Variants in SORCS2 observed in about 807,000 individuals in gnomAD.
SORCS2 encodes VPS10 domain-containing receptor SorCS2.
A neutral mutation model predicts 141.6 loss-of-function variants in SORCS2; 100 were observed. The observed-to-expected ratio is 0.71, with a 90% CI of 0.60 to 0.83. The LOEUF (loss-of-function observed/expected upper bound fraction) is 0.83. Among genes scored for constraint, SORCS2 ranks in the 40% least tolerant of loss-of-function variants. The pLI is 0.00. For missense variants in SORCS2, 1,646 were observed against 1,560.2 expected, an observed-to-expected ratio of 1.05 and a Z score of -0.93; for synonymous variants, 789 against 676.9, an observed-to-expected ratio of 1.17 and a Z score of -2.57.
intron 2 of SORCS2, among the ~76,000 whole-genome samples, chr4:7,495,738 G>A (rs1362223115): frequency 6.6e-6 from 1 of 152,180 alleles, no homozygotes; most frequent in Non-Finnish European, 1.5e-5. Context: ...CTGATGCCTG[G>A]GCCTAGGCTC....
intron 4 of SORCS2, among the ~76,000 whole-genome samples, chr4:7,653,460 C>A (rs113505638): frequency 2.0e-5 from 3 of 152,070 alleles, no homozygotes; most frequent in African/African-American, 7.2e-5. Context: ...TCAGGCTGGT[C>A]TCGAACTCCC....
chr4:7,391,203 G>T (rs1380702102), intron 1 of SORCS2, among the ~76,000 whole-genome samples: 1 of 152,186 alleles, frequency 6.6e-6, no homozygotes, highest in Non-Finnish European at 1.5e-5. Context: ...GGACAGCATT[G>T]ACCTCCCAGT....
chr4:7,688,180 G>A (rs571411888), intron 10 of SORCS2, among the ~76,000 whole-genome samples: 1 of 152,294 alleles, frequency 6.6e-6, no homozygotes, highest in Non-Finnish European at 1.5e-5. Flanking sequence ...TGAAGAGAGA[G>A]GATACCTCTG....
chr4:7,434,098 G>A lies in SORCS2; in HGVS notation c.548+37743G>A, dbSNP rs201934511. 456 of 1,611,692 alleles carry A rather than the reference G, an allele frequency of 2.8e-4. No homozygotes were observed. The highest frequency in any genetic ancestry group is 3.2e-4 in the Non-Finnish European group (382 of 1,178,262). Reference sequence around the variant, plus strand: ...CATGGCCACTACTTGAGTCAAACGGGCAGGTGCCCCTAGCTCCTCACAGAA... The same window carrying A: ...CATGGCCACTACTTGAGTCAAACGGACAGGTGCCCCTAGCTCCTCACAGAA... On this transcript the variant is annotated intron_variant, in intron 2 of 26. Transcript: ENST00000507866.
chr4:7,630,785 C>T (rs1271791743), intron 3 of SORCS2, among the ~76,000 whole-genome samples: 1 of 152,188 alleles, frequency 6.6e-6, no homozygotes, highest in Non-Finnish European at 1.5e-5. Context: ...GTTTGCCTCT[C>T]TCAGCATCAA....
intron 2 of SORCS2, among the ~76,000 whole-genome samples, chr4:7,422,835 G>A (rs537797452): frequency 6.8e-4 from 103 of 152,236 alleles, no homozygotes; most frequent in African/African-American, 2.3e-3. Flanking sequence ...CAGAGGCCTC[G>A]TCACTGCCTG....
At chr4:7,269,754 A>G (rs1342178505) in intron 1 of SORCS2, among the ~76,000 whole-genome samples, 1 of 152,250 alleles carries the variant, frequency 6.6e-6, no homozygotes, top group Non-Finnish European at 1.5e-5. Context: ...ATCTCAGCCC[A>G]GTGATACTGA....
intron 1 of SORCS2, among the ~76,000 whole-genome samples, chr4:7,385,682 G>C (rs945202233): frequency 1.3e-5 from 2 of 152,172 alleles, no homozygotes; most frequent in Admixed American, 1.3e-4. Flanking sequence ...TGGGCAGCTT[G>C]AGCCACCACC....
chr4:7,740,289 A>T lies in SORCS2; in HGVS notation c.*25A>T. The T allele has an allele frequency of 1.2e-6, 2 of 1,603,646 alleles. No individual in the cohort carries two copies. The highest frequency in any genetic ancestry group is 2.2e-5 in the South Asian group (2 of 90,384). On this transcript the variant is annotated 3_prime_UTR_variant, in exon 27 of 27. Transcript: ENST00000507866. The stretch of plus-strand genomic sequence containing the variant: ...ATGCCACCCCAGCATCTGTCTTTTC[A>T]CCCACGGAGGGCACAGAACCACCAG...
intron 2 of SORCS2, among the ~76,000 whole-genome samples, chr4:7,453,159 GCTGTGTTGGGGTCAGGCT>G (rs1164224514): frequency 1.7e-5 from 2 of 119,442 alleles, no homozygotes; most frequent in Admixed American, 9.2e-5. Context: ...GGGGTCAGGT[GCTGTGTTGGGGTCAGGCT>G]CTGTGTTGGG....
intron 9 of SORCS2, among the ~76,000 whole-genome samples, chr4:7,677,342 T>C (rs1281017337): frequency 2.0e-5 from 3 of 152,236 alleles, no homozygotes; most frequent in African/African-American, 7.2e-5. Flanking sequence ...CTCTCCTTTG[T>C]TCCTGAGATG....
intron 18 of SORCS2, among the ~76,000 whole-genome samples, chr4:7,718,666 TACTC>T (rs1242640321): frequency 3.9e-5 from 6 of 152,342 alleles, no homozygotes; most frequent in South Asian, 2.1e-4. Flanking sequence ...CAGATATAAA[TACTC>T]ACACAAACAC....
At chr4:7,456,658 A>G (rs1217891051) in intron 2 of SORCS2, among the ~76,000 whole-genome samples, 1 of 152,178 alleles carries the variant, frequency 6.6e-6, no homozygotes, top group African/African-American at 2.4e-5. Flanking sequence ...AGGGGCTGTC[A>G]AGAGCAAACC....
At chr4:7,521,192 G>A (rs527556857) in intron 2 of SORCS2, among the ~76,000 whole-genome samples, 2 of 152,206 alleles carry the variant, frequency 1.3e-5, no homozygotes, top group South Asian at 2.1e-4. Context: ...CAATGATCTC[G>A]CTAACTCCTC....
chr4:7,502,650 A>G (rs772574112), intron 2 of SORCS2, among the ~76,000 whole-genome samples: 4 of 152,170 alleles, frequency 2.6e-5, no homozygotes, highest in Non-Finnish European at 4.4e-5. Flanking sequence ...ACAGGAGTAC[A>G]CGTGAGATGC....
intron 11 of SORCS2, among the ~76,000 whole-genome samples, chr4:7,693,486 C>T (rs1724389451): frequency 6.6e-6 from 1 of 152,212 alleles, no homozygotes; most frequent in African/African-American, 2.4e-5. Flanking sequence ...ACCTGCTCCT[C>T]AGATGCTGTG....
intron 11 of SORCS2, among the ~76,000 whole-genome samples, chr4:7,696,274 C>T (rs1724703354): frequency 6.6e-6 from 1 of 152,150 alleles, no homozygotes; most frequent in Admixed American, 6.5e-5. Flanking sequence ...CATCAGGGTC[C>T]CCATCATCCT....
At chr4:7,259,869 T>C (rs186367609) in intron 1 of SORCS2, among the ~76,000 whole-genome samples, 3 of 152,354 alleles carry the variant, frequency 2.0e-5, no homozygotes, top group Admixed American at 2.0e-4. Context: ...GATTTGCTCA[T>C]GCGTGGAGCT....
intron 1 of SORCS2, among the ~76,000 whole-genome samples, chr4:7,252,712 G>T (rs904973151): frequency 6.6e-6 from 1 of 152,086 alleles, no homozygotes; most frequent in African/African-American, 2.4e-5. Context: ...GCATTGTGCC[G>T]GTCTGACAGG....
Sources: allele counts gnomAD v4.1 joint callset (sites outside exome capture counted in the v4.1 genomes callset), GRCh38; gene constraint gnomAD v4.1.1; transcripts MANE v1.5; gene names NCBI Gene and HGNC (gene_info 2026-07-23, HGNC 2026-07-21).